Variants in LOXL2 observed in about 807,000 individuals in gnomAD.
LOXL2 encodes the protein lysyl oxidase homolog 2.
In LOXL2, 70 loss-of-function variants were observed where a neutral mutation model predicts 93.0. The ratio of observed to expected loss-of-function variants is 0.75; its 90% CI spans 0.62 to 0.92. LOXL2 has a LOEUF of 0.92. LOXL2 is among the 40% of genes least tolerant of loss of function. The pLI is 0.00. For synonymous variants in LOXL2, 438 were observed against 413.2 expected (o/e 1.06, Z -0.73); for missense variants, 973 against 1,054.9 (o/e 0.92, Z 1.08).
At chr8:23,301,391 GC>G (rs1803128802) in intron 12 of LOXL2, among the ~76,000 whole-genome samples, 2 of 152,186 alleles carry the variant, frequency 1.3e-5, no homozygotes, top group South Asian at 4.1e-4. Context: ...CCTCCTCAGG[GC>G]TGGCCTTCCA....
At chr8:23,345,927 G>T (rs986060953) in intron 3 of LOXL2, among the ~76,000 whole-genome samples, 1 of 151,672 alleles carries the variant, frequency 6.6e-6, no homozygotes, top group African/African-American at 2.4e-5. Context: ...AATTAGCCAG[G>T]CATGGTGGCG....
At chr8:23,319,798 G>C in intron 8 of LOXL2, 87 bp downstream of exon 8, 1 of 1,407,054 alleles carries the variant, frequency 7.1e-7, no homozygotes, top group Non-Finnish European at 9.8e-7. Flanking sequence ...GGCTAGGGAG[G>C]GTACGTGGGA....
intron 3 of LOXL2, among the ~76,000 whole-genome samples, chr8:23,358,101 A>C (rs902213757): frequency 6.6e-6 from 1 of 152,222 alleles, no homozygotes; most frequent in African/African-American, 2.4e-5. Context: ...TGAAGATGGA[A>C]AATTTTGTGA....
At chr8:23,348,042 G>A (rs1224332402) in intron 3 of LOXL2, among the ~76,000 whole-genome samples, 1 of 151,884 alleles carries the variant, frequency 6.6e-6, no homozygotes, top group African/African-American at 2.4e-5. Flanking sequence ...GAAAGAAAAG[G>A]TGGCACATAT....
At chr8:23,307,716 G>T (rs1277873882) in intron 10 of LOXL2, among the ~76,000 whole-genome samples, 3 of 152,078 alleles carry the variant, frequency 2.0e-5, no homozygotes, top group Non-Finnish European at 4.4e-5. Context: ...TTCCCCGAAG[G>T]GAGCCAAGCA....
chr8:23,297,770 T>A lies in LOXL2; in HGVS notation c.*273A>T. ...AACCTGTCTGTGGGCCTCATCCCGG[T>A]CAAGACTGGCTCTTGGTGCTGCTCC... On this transcript the variant is annotated 3_prime_UTR_variant, in exon 14 of 14. Coordinates refer to ENST00000389131, the MANE Select transcript of LOXL2 (RefSeq NM_002318.3). 2 of 392,200 alleles carry A rather than the reference T, an allele frequency of 5.1e-6. No individual in the cohort carries two copies. The highest frequency in any genetic ancestry group is 4.0e-5 in the South Asian group (1 of 25,094). 24.3% of individuals were successfully genotyped at this position (392,200 alleles called of 1,614,324 possible).
Position 23,392,469 on chromosome 8 carries a change from A to G in LOXL2, c.-84+11485T>C, listed in dbSNP as rs376964475. 2.0e-5 allele frequency among the ~76,000 whole-genome samples: 3 copies of G among 152,266 alleles called. No homozygotes were observed. In the East Asian group the frequency reaches 5.8e-4, roughly 29 times the overall value. On this transcript the variant is annotated intron_variant, in intron 1 of 13. Transcript: ENST00000389131. ...CAGGTCCTCGCTTTTACTGAGGGAGACAGACCTTGTCAGCTACTTGTGAAG... is the reference window on the plus strand; with the variant it reads ...CAGGTCCTCGCTTTTACTGAGGGAGGCAGACCTTGTCAGCTACTTGTGAAG...
intron 2 of LOXL2, among the ~76,000 whole-genome samples, chr8:23,360,907 T>A (rs2117205524): frequency 6.6e-6 from 1 of 152,138 alleles, no homozygotes; most frequent in East Asian, 1.9e-4. Flanking sequence ...TTTTTTGTTT[T>A]TTGTTTTTTT....
At chr8:23,344,515 T>A (rs1348790811) in intron 3 of LOXL2, among the ~76,000 whole-genome samples, 2 of 151,956 alleles carry the variant, frequency 1.3e-5, no homozygotes, top group African/African-American at 4.8e-5. Context: ...TGTTTCTGAG[T>A]GTCTGCATGT....
intron 9 of LOXL2, 197 bp downstream of exon 9, chr8:23,316,750 TCC>T: frequency 3.6e-6 from 2 of 556,370 alleles, no homozygotes; most frequent in East Asian, 6.3e-5. Flanking sequence ...CCCGCTTTTC[TCC>T]CCACTACATC....
intron 10 of LOXL2, among the ~76,000 whole-genome samples, chr8:23,303,819 G>T (rs1803182160): frequency 6.6e-6 from 1 of 152,232 alleles, no homozygotes; most frequent in Non-Finnish European, 1.5e-5. Flanking sequence ...TCCGCATTTT[G>T]ACGTCTTTTG....
intron 4 of LOXL2, among the ~76,000 whole-genome samples, chr8:23,340,306 G>A (rs1803861602): frequency 1.3e-5 from 2 of 152,148 alleles, no homozygotes; most frequent in South Asian, 4.1e-4. Context: ...TAAGAGGAGG[G>A]AGGAACACCC....
chr8:23,309,800 G>A lies in LOXL2; in HGVS notation c.1748C>T (p.Ser583Leu), dbSNP rs749058378. ...CAMEENCLSA[S>L]AAQTDPTTGY... Reference sequence around the variant, plus strand: ...CGTGGTGGGGTCGGTCTGCGCGGCTGAGGCCGAGAGGCAGTTCTCCTCCAT... The same window carrying A: ...CGTGGTGGGGTCGGTCTGCGCGGCTAAGGCCGAGAGGCAGTTCTCCTCCAT... Residue 583 changes from serine (S) to leucine (L), a missense_variant, in exon 10 of 14, where the codon TCA (serine) becomes TTA (leucine). Transcript: ENST00000389131. 5 of 1,604,362 alleles carry A rather than the reference G, an allele frequency of 3.1e-6. No individual in the cohort carries two copies. Among genetic ancestry groups the A allele is most frequent in the Non-Finnish European group, 4.3e-6 (5 of 1,175,730 alleles).
chr8:23,301,926 T>A, intron 12 of LOXL2, 101 bp downstream of exon 12: 1 of 1,459,020 alleles, frequency 6.9e-7, no homozygotes, highest in East Asian at 2.4e-5. Context: ...TTAGACAGCC[T>A]GACTTCCATG....
intron 1 of LOXL2, among the ~76,000 whole-genome samples, chr8:23,393,275 C>T (rs552492854): frequency 7.9e-5 from 12 of 152,248 alleles, no homozygotes; most frequent in African/African-American, 2.2e-4. Context: ...AAAAGGAGAA[C>T]GAAGTAAGAG....
chr8:23,377,304 A>G (rs1231325960), intron 1 of LOXL2, among the ~76,000 whole-genome samples: 4 of 152,072 alleles, frequency 2.6e-5, no homozygotes, highest in Non-Finnish European at 5.9e-5. Context: ...GGTCTGAGAG[A>G]CAGTTTGTTA....
At position 23,368,206 on chromosome 8, in the gene LOXL2, G is replaced by C; in HGVS notation, c.146C>G (p.Ala49Gly). ...CTGAATCTTGGCCACGTTGGCGGGG[G>C]CCTGGGGCTGGTGATACTCAGGAGC... is the stretch of plus-strand genomic sequence containing the variant. Reference protein sequence around the residue: ...QPAPEYHQPQAPANVAKIQLR... With the variant: ...QPAPEYHQPQGPANVAKIQLR... The change falls in exon 2 of 14, where the codon GCC becomes GGC. Residue 49 changes from alanine (A) to glycine (G), a missense_variant. Coordinates refer to ENST00000389131, the MANE Select transcript of LOXL2 (RefSeq NM_002318.3). 6.2e-7 allele frequency: 1 copy of C among 1,614,048 alleles called. No homozygotes were observed. Among genetic ancestry groups the C allele is most frequent in the Non-Finnish European group, 8.5e-7 (1 of 1,180,032 alleles).
chr8:23,300,660 T>C lies in LOXL2; in HGVS notation c.2133+1367A>G, dbSNP rs1402655441. Among the ~76,000 whole-genome samples, 3 of 152,204 alleles carry C rather than the reference T, an allele frequency of 2.0e-5. No homozygotes were observed. The East Asian group carries it at 5.8e-4, about 29-fold the overall frequency. ...TTTGCTAATTGTATTGTTTAGGGGTTGAGAAAACAAAATAAAGAGTTGATA... is the reference window on the plus strand; with the variant it reads ...TTTGCTAATTGTATTGTTTAGGGGTCGAGAAAACAAAATAAAGAGTTGATA... On this transcript the variant is annotated intron_variant, in intron 12 of 13. Transcript: ENST00000389131.
At chr8:23,298,523 G>A (rs1421240172) in intron 13 of LOXL2, among the ~76,000 whole-genome samples, 1 of 152,204 alleles carries the variant, frequency 6.6e-6, no homozygotes, top group African/African-American at 2.4e-5. Context: ...AGAGCCCACA[G>A]ATTGCTGATG....
Sources: allele counts gnomAD v4.1 joint callset (sites outside exome capture counted in the v4.1 genomes callset), GRCh38; gene constraint gnomAD v4.1.1; transcripts MANE v1.5; gene names NCBI Gene and HGNC (gene_info 2026-07-23, HGNC 2026-07-21).